The following TNFRSF11A variants were observed in gnomAD, a reference collection of about 807,000 sequenced individuals.
TNFRSF11A encodes TNF receptor superfamily member 11a, also known as tumor necrosis factor receptor superfamily member 11A.
Under a neutral mutation model 55.7 loss-of-function variants are expected in TNFRSF11A, and 32 were observed. That is an observed-to-expected ratio of 0.57 (90% CI 0.43 to 0.77). The LOEUF is 0.77. Ranked by LOEUF, TNFRSF11A falls within the 30% of genes least tolerant of loss-of-function variation. TNFRSF11A has a pLI of 0.00. For missense variants in TNFRSF11A, 753 were observed against 809.8 expected (o/e 0.93, Z 0.85); for synonymous variants, 311 against 331.0 (o/e 0.94, Z 0.65).
At position 62,369,014 on chromosome 18, in the gene TNFRSF11A, C is replaced by G; in HGVS notation, c.1097C>G (p.Pro366Arg). The G allele has an allele frequency of 1.9e-6, 3 of 1,614,256 alleles. No individual in the cohort carries two copies. The highest frequency in any genetic ancestry group is 2.5e-6 in the Non-Finnish European group (3 of 1,180,052). ...GACCAGTTACTGTTCCTCACTGAGCCTGGAAGCAAATCCACACCTCCTTTC... is the reference window on the plus strand; with the variant it reads ...GACCAGTTACTGTTCCTCACTGAGCGTGGAAGCAAATCCACACCTCCTTTC... ...PTDQLLFLTE[P>R]GSKSTPPFSE... Residue 366 changes from proline to arginine, a missense_variant, in exon 9 of 10, where the codon CCT becomes CGT. Around this residue, in one of 3 missense-constraint regions of TNFRSF11A, gnomAD observed 567 missense variants for 596.7 expected, o/e 0.95. Coordinates refer to ENST00000586569, the MANE Select transcript of TNFRSF11A (RefSeq NM_003839.4).
At chr18:62,366,942 A>G (rs1347567266) in intron 8 of TNFRSF11A, among the ~76,000 whole-genome samples, 182 bp downstream of exon 8, 4 of 147,540 alleles carry the variant, frequency 2.7e-5, no homozygotes, top group East Asian at 4.0e-4. Context: ...TCCACCTCCC[A>G]GGGTCAAGTG....
At chr18:62,329,239 C>T (rs1252363906) in intron 1 of TNFRSF11A, among the ~76,000 whole-genome samples, 2 of 152,158 alleles carry the variant, frequency 1.3e-5, no homozygotes, top group Non-Finnish European at 2.9e-5. Context: ...GCAGCCCATC[C>T]TGATGGTACG....
At chr18:62,329,994 T>G (rs1271610245) in intron 1 of TNFRSF11A, among the ~76,000 whole-genome samples, 1 of 152,244 alleles carries the variant, frequency 6.6e-6, no homozygotes, top group Non-Finnish European at 1.5e-5. Context: ...CCGTCGACTT[T>G]CAGCCTTTGA....
chr18:62,373,986 ATC>A (rs752820470), intron 9 of TNFRSF11A: 1 of 152,140 alleles, frequency 6.6e-6, no homozygotes, highest in Admixed American at 6.5e-5. Context: ...ACAGCCTTCT[ATC>A]TCTTTCTTCA....
intron 9 of TNFRSF11A, 112 bp downstream of exon 9, chr18:62,369,596 C>A: frequency 7.3e-7 from 1 of 1,375,430 alleles, no homozygotes; most frequent in Non-Finnish European, 1.0e-6. Flanking sequence ...AAAACCTCAG[C>A]TTGTGCTTTT....
In TNFRSF11A at chr18:62,369,143, G is replaced by A. The variant is rs1394358920; in HGVS notation, c.1226G>A (p.Cys409Tyr). 1 of 1,614,132 alleles carries A rather than the reference G, an allele frequency of 6.2e-7. No homozygotes were observed. Among genetic ancestry groups the A allele is most frequent in the African/African-American group, 1.3e-5 (1 of 75,084 alleles). ...AGCTGCAACTGCACTGAGCCCCTGT[G>A]CAGGACTGATTGGACTCCCATGTCC... The part of the protein sequence containing the change: ...SESCNCTEPL[C>Y]RTDWTPMSSE... The change falls in exon 9 of 10, where the codon TGC becomes TAC. Residue 409 changes from cysteine to tyrosine, a missense_variant. Around this residue, in one of 3 missense-constraint regions of TNFRSF11A, gnomAD observed 567 missense variants for 596.7 expected, o/e 0.95. Coordinates refer to ENST00000586569, the MANE Select transcript of TNFRSF11A (RefSeq NM_003839.4).
chr18:62,377,250 T>C (rs1910966672), intron 9 of TNFRSF11A, among the ~76,000 whole-genome samples: 1 of 152,190 alleles, frequency 6.6e-6, no homozygotes, highest in African/African-American at 2.4e-5. Context: ...AATATTCCAT[T>C]GTGTGGAGGA....
intron 6 of TNFRSF11A, among the ~76,000 whole-genome samples, chr18:62,361,205 C>T (rs899265014): frequency 6.6e-6 from 1 of 152,148 alleles, no homozygotes. Flanking sequence ...GTTGGGTCCA[C>T]GTGGTGTCGG....
chr18:62,367,222 A>G (rs1910156900), intron 8 of TNFRSF11A, among the ~76,000 whole-genome samples: 2 of 152,190 alleles, frequency 1.3e-5, no homozygotes, highest in South Asian at 2.1e-4. Flanking sequence ...ATCCCTGCAG[A>G]GCAGCTCAAA....
chr18:62,346,011 G>T (rs1272266194), intron 1 of TNFRSF11A, among the ~76,000 whole-genome samples: 1 of 152,086 alleles, frequency 6.6e-6, no homozygotes, highest in South Asian at 2.1e-4. Flanking sequence ...CAGGCACCAG[G>T]GCTTGGAGCC....
Position 62,354,458 on chromosome 18 carries a change from G to T in TNFRSF11A, c.351G>T (p.Gly117=). The T allele has an allele frequency of 6.2e-7, 1 of 1,601,042 alleles. No homozygotes were observed. The highest frequency in any genetic ancestry group is 1.3e-5 in the African/African-American group (1 of 75,018). Reference sequence around the variant, plus strand: ...CCCGGCGCTGCGCGTGCACGGCTGGGTACCACTGGAGCCAGGACTGCGAGT... The same window carrying T: ...CCCGGCGCTGCGCGTGCACGGCTGGTTACCACTGGAGCCAGGACTGCGAGT... ...TTPRRCACTA[G]YHWSQDCECC... The change falls in exon 4 of 10, where the codon GGG becomes GGT. Residue 117 remains glycine (G), a synonymous_variant. Coordinates refer to ENST00000586569, the MANE Select transcript of TNFRSF11A (RefSeq NM_003839.4).
intron 8 of TNFRSF11A, among the ~76,000 whole-genome samples, chr18:62,367,595 G>A (rs1361388713): frequency 1.3e-5 from 2 of 152,092 alleles, no homozygotes; most frequent in African/African-American, 4.8e-5. Context: ...ATGGCAGACT[G>A]TGTGTCCCAT....
chr18:62,331,705 A>G (rs916714476), intron 1 of TNFRSF11A, among the ~76,000 whole-genome samples: 3 of 152,250 alleles, frequency 2.0e-5, no homozygotes, highest in Non-Finnish European at 4.4e-5. Flanking sequence ...ACTGGCCTCA[A>G]ATATGTCACC....
chr18:62,368,648 G>T, intron 8 of TNFRSF11A, 53 bp from the exon 9 acceptor site: 1 of 1,587,430 alleles, frequency 6.3e-7, no homozygotes, highest in Non-Finnish European at 8.6e-7. Flanking sequence ...AGCTAAACTT[G>T]TCCTAATAAC....
At chr18:62,341,835 G>GTTTTTTT (rs1568475429) in intron 1 of TNFRSF11A, among the ~76,000 whole-genome samples, 2 of 68,852 alleles carry the variant, frequency 2.9e-5, no homozygotes, top group African/African-American at 7.8e-5. Context: ...GCTGAGAATG[G>GTTTTTTT]CTTTTTTTTT....
chr18:62,376,684 G>C (rs1910922354), intron 9 of TNFRSF11A, among the ~76,000 whole-genome samples: 1 of 152,100 alleles, frequency 6.6e-6, no homozygotes, highest in African/African-American at 2.4e-5. Context: ...CACCATGATA[G>C]TCTCCTACAG....
chr18:62,370,492 C>T (rs1050750935), intron 9 of TNFRSF11A, among the ~76,000 whole-genome samples: 2 of 152,160 alleles, frequency 1.3e-5, no homozygotes, highest in South Asian at 2.1e-4. Flanking sequence ...TGCTAGCAGC[C>T]GGTCTTCGAA....
Position 62,349,664 on chromosome 18 carries a change from A to T in TNFRSF11A, c.158-148A>T, listed in dbSNP as rs1000162948. On this transcript the variant is annotated intron_variant, in intron 2 of 9. Coordinates refer to ENST00000586569, the MANE Select transcript of TNFRSF11A (RefSeq NM_003839.4). The stretch of plus-strand genomic sequence containing the variant: ...GCATTGTGGCCTCTTCTCCTGTGTC[A>T]TATTGTCTTTGGGGGGTGTCCTGGG... The T allele has an allele frequency of 5.5e-6, 5 of 902,222 alleles. No individual in the cohort carries two copies. In the African/African-American group the frequency reaches 8.3e-5, roughly 15 times the overall value. The allele number at this position is 902,222 out of a possible 1,614,324, so 55.9% of individuals were successfully genotyped here. A position where few individuals can be genotyped will look rare whatever the true frequency, so the allele number is the denominator to read the frequency against.
chr18:62,350,768 G>A (rs2145297932), intron 3 of TNFRSF11A, among the ~76,000 whole-genome samples: 1 of 152,198 alleles, frequency 6.6e-6, no homozygotes, highest in East Asian at 1.9e-4. Context: ...TTCTTGCCTG[G>A]AATGTTTTTT....
Sources: allele counts gnomAD v4.1 joint callset (sites outside exome capture counted in the v4.1 genomes callset), GRCh38; gene constraint gnomAD v4.1.1; regional missense constraint gnomAD v4.1.1; transcripts MANE v1.5; gene names NCBI Gene and HGNC (gene_info 2026-07-23, HGNC 2026-07-21).